The following AGBL1 variants were observed in gnomAD, a reference collection of about 807,000 sequenced individuals.
AGBL1 encodes the protein cytosolic carboxypeptidase 4.
In AGBL1, 130 loss-of-function variants were observed where a neutral mutation model predicts 118.9. The observed-to-expected ratio is 1.09, with a 90% CI of 0.95 to 1.26. AGBL1 has a LOEUF of 1.26. Among genes scored for constraint, AGBL1 ranks in the 50% most tolerant of loss-of-function variants. The pLI is 0.00. For missense variants in AGBL1, 1,584 were observed against 1,298.1 expected, an observed-to-expected ratio of 1.22 and a Z score of -3.38; for synonymous variants, 555 against 478.9, an observed-to-expected ratio of 1.16 and a Z score of -2.08.
At chr15:86,689,146 G>C (rs191371813) in intron 22 of AGBL1, among the ~76,000 whole-genome samples, 1 of 152,144 alleles carries the variant, frequency 6.6e-6, no homozygotes, top group Non-Finnish European at 1.5e-5. Flanking sequence ...AGACGCATCA[G>C]TTCTAACTTA....
intron 5 of AGBL1, among the ~76,000 whole-genome samples, chr15:86,213,048 C>G (rs1226857037): frequency 1.3e-5 from 2 of 152,156 alleles, no homozygotes; most frequent in East Asian, 3.9e-4. Flanking sequence ...TCCTGTCAAT[C>G]AAGGAGTGAT....
At chr15:86,159,153 C>A in intron 5 of AGBL1, 127 bp downstream of exon 5, 1 of 837,676 alleles carries the variant, frequency 1.2e-6, no homozygotes, top group Non-Finnish European at 2.0e-6. Flanking sequence ...AAATATGGTA[C>A]CATGTCTTTA....
intron 22 of AGBL1, among the ~76,000 whole-genome samples, chr15:86,804,495 A>G (rs1254630463): frequency 1.3e-5 from 2 of 152,186 alleles, no homozygotes; most frequent in Non-Finnish European, 2.9e-5. Context: ...ACCCAAATCA[A>G]AAATAATAAC....
At chr15:86,975,329 G>A (rs990894514) in intron 23 of AGBL1, among the ~76,000 whole-genome samples, 2 of 151,994 alleles carry the variant, frequency 1.3e-5, no homozygotes, top group Non-Finnish European at 1.5e-5. Flanking sequence ...AAGAGAGCAT[G>A]TGCAGGGAAA....
intron 22 of AGBL1, among the ~76,000 whole-genome samples, chr15:86,760,422 A>T (rs2078007287): frequency 6.6e-6 from 1 of 152,040 alleles, no homozygotes; most frequent in African/African-American, 2.4e-5. Flanking sequence ...CAATCCCTAG[A>T]TTCCCCTAGA....
intron 18 of AGBL1, among the ~76,000 whole-genome samples, chr15:86,481,018 A>T (rs541961883): frequency 6.6e-6 from 1 of 151,912 alleles, no homozygotes; most frequent in Non-Finnish European, 1.5e-5. Flanking sequence ...ACTATTTTCA[A>T]TGGGTAGGAT....
chr15:86,663,947 C>G (rs550393716), intron 21 of AGBL1, among the ~76,000 whole-genome samples: 1 of 152,268 alleles, frequency 6.6e-6, no homozygotes, highest in East Asian at 1.9e-4. Context: ...TCTAGAAAAA[C>G]ATGGAAATGT....
At chr15:86,686,584 T>C (rs996844225) in intron 22 of AGBL1, among the ~76,000 whole-genome samples, 1 of 151,708 alleles carries the variant, frequency 6.6e-6, no homozygotes, top group Non-Finnish European at 1.5e-5. Flanking sequence ...ATTACAGGTG[T>C]GTGCTACCAC....
At position 86,912,480 on chromosome 15, in the gene AGBL1, A is replaced by C. The variant is rs959415289; in HGVS notation, c.*5186A>C. The stretch of plus-strand genomic sequence containing the variant: ...TGCAATCCCATCAATAAGAATCAGC[A>C]TCCAAGAATTCCATACATTGGCTTC... On this transcript the variant is annotated 3_prime_UTR_variant, in exon 23 of 23. Transcript: ENST00000614907. 1 of 152,154 alleles carries C rather than the reference A, an allele frequency of 6.6e-6. No homozygotes were observed. Among genetic ancestry groups the C allele is most frequent in the African/African-American group, 2.4e-5 (1 of 41,354 alleles). The allele number at this position is 152,154 out of a possible 1,614,324, so 9.4% of individuals were successfully genotyped here. A position where few individuals can be genotyped will look rare whatever the true frequency, so the allele number is the denominator to read the frequency against.
In AGBL1 at chr15:86,357,178, T is replaced by G. The variant is rs536849040; in HGVS notation, c.2375-40188T>G. Among the ~76,000 whole-genome samples the G allele has an allele frequency of 2.6e-5, 4 of 152,324 alleles. No homozygotes were observed. The East Asian group carries it at 7.7e-4, about 29-fold the overall frequency. ...TAAAAGAGGGATTTACTTAAATCCC[T>G]GTGGTCCTAGAGGGCTGATGAAGGA... On this transcript the variant is annotated intron_variant, in intron 17 of 22. Coordinates refer to ENST00000614907, the MANE Select transcript of AGBL1 (RefSeq NM_001386094.1).
intron 18 of AGBL1, among the ~76,000 whole-genome samples, chr15:86,403,796 T>C (rs1267771805): frequency 6.6e-6 from 1 of 152,200 alleles, no homozygotes; most frequent in Non-Finnish European, 1.5e-5. Flanking sequence ...TACTTTGCTG[T>C]AGATATTTAA....
rs2081324803 is a variant in AGBL1, at chr15:86,990,272, T to G, written c.3323+2184T>G. Among the ~76,000 whole-genome samples, 3 of 152,122 alleles carry G rather than the reference T, an allele frequency of 2.0e-5. No individual in the cohort carries two copies. In the South Asian group the frequency reaches 6.2e-4, roughly 31 times the overall value. On this transcript the variant is annotated intron_variant, in intron 24 of 24. Transcript: ENST00000441037. ...GCTCACATCTATAATCCCAGCACTT[T>G]GGGAGGCTGAGGCAGTTGGATCACC...
intron 1 of AGBL1, among the ~76,000 whole-genome samples, chr15:86,106,022 C>A (rs561229840): frequency 6.6e-6 from 1 of 152,196 alleles, no homozygotes; most frequent in African/African-American, 2.4e-5. Flanking sequence ...AAATGTTTTG[C>A]TCCCATGTGG....
intron 16 of AGBL1, among the ~76,000 whole-genome samples, chr15:86,290,284 T>C (rs900803649): frequency 6.6e-5 from 10 of 151,940 alleles, no homozygotes; most frequent in African/African-American, 2.4e-4. Flanking sequence ...TCTTTTTATA[T>C]TGCTTTTCTG....
chr15:86,479,895 C>T (rs905991423), intron 18 of AGBL1, among the ~76,000 whole-genome samples: 13 of 152,136 alleles, frequency 8.5e-5, no homozygotes, highest in African/African-American at 2.9e-4. Flanking sequence ...CCATGGAATA[C>T]TATGCAGCCA....
At chr15:86,540,296 A>G (rs748264722) in intron 19 of AGBL1, among the ~76,000 whole-genome samples, 28 of 152,222 alleles carry the variant, frequency 1.8e-4, no homozygotes, top group Non-Finnish European at 3.5e-4. Context: ...GATAAACAAC[A>G]AGATAGGGCT....
At chr15:86,485,040 GA>G (rs2082696547) in intron 18 of AGBL1, among the ~76,000 whole-genome samples, 1 of 152,140 alleles carries the variant, frequency 6.6e-6, no homozygotes, top group Admixed American at 6.6e-5. Flanking sequence ...ACTCCTTGCA[GA>G]GAGAAGAGCA....
At chr15:86,792,707 C>T (rs538094463) in intron 22 of AGBL1, among the ~76,000 whole-genome samples, 26 of 152,044 alleles carry the variant, frequency 1.7e-4, no homozygotes, top group South Asian at 6.3e-4. Context: ...TTTGGGAGGC[C>T]GAGATGGGAG....
In AGBL1 at chr15:86,254,995, A is replaced by G. The variant is rs577955269; in HGVS notation, c.736-1858A>G. ...CAAATTCAGTTCGTGGTATGGCCCA[A>G]TTTTTCAGAACATTTGAACTTGCCT... is the stretch of plus-strand genomic sequence containing the variant. On this transcript the variant is annotated intron_variant, in intron 7 of 22. Coordinates refer to ENST00000614907, the MANE Select transcript of AGBL1 (RefSeq NM_001386094.1). Among the ~76,000 whole-genome samples the G allele has an allele frequency of 1.8e-4, 27 of 152,206 alleles. No homozygotes were observed. In the South Asian group the frequency reaches 4.2e-3, roughly 23 times the overall value.
Sources: allele counts gnomAD v4.1 joint callset (sites outside exome capture counted in the v4.1 genomes callset), GRCh38; gene constraint gnomAD v4.1.1; transcripts MANE v1.5; gene names NCBI Gene and HGNC (gene_info 2026-07-23, HGNC 2026-07-21).